The following DMD variants were observed in gnomAD, a reference collection of about 807,000 sequenced individuals.
DMD encodes the protein dystrophin, also known as mutant dystrophin.
In DMD, 63 loss-of-function variants were observed where a neutral mutation model predicts 330.1. The observed-to-expected ratio is 0.19, with a 90% CI of 0.16 to 0.24. DMD has a LOEUF of 0.24. DMD is among the 10% of genes least tolerant of loss of function. The pLI is 1.00. For missense variants in DMD, 3,344 were observed against 2,684.1 expected, an observed-to-expected ratio of 1.25 and a Z score of -5.43; for synonymous variants, 1,223 against 959.8, an observed-to-expected ratio of 1.27 and a Z score of -5.07.
intron 42 of DMD, among the ~76,000 whole-genome samples, chrX:32,288,260 G>T (rs2097451310): frequency 9.0e-6 from 1 of 111,309 alleles, no homozygotes; most frequent in South Asian, 3.7e-4. Flanking sequence ...TCATCCCATA[G>T]ATTCCCTCAT....
At chrX:32,628,810 A>G (rs2058542812) in intron 11 of DMD, among the ~76,000 whole-genome samples, 1 of 111,547 alleles carries the variant, frequency 9.0e-6, no homozygotes, top group African/African-American at 3.3e-5. Flanking sequence ...TTTAATTTCC[A>G]TGTGTCTCTA....
intron 27 of DMD, 135 bp downstream of exon 27, chrX:32,448,321 T>G: frequency 1.5e-6 from 1 of 659,921 alleles, no homozygotes; most frequent in Non-Finnish European, 2.4e-6. Flanking sequence ...CCCAAAGTCA[T>G]ACAACTTATA....
At chrX:32,322,484 G>A (rs189511764) in intron 41 of DMD, among the ~76,000 whole-genome samples, 17 of 111,144 alleles carry the variant, frequency 1.5e-4, no homozygotes, top group Non-Finnish European at 3.0e-4. Context: ...GATCTCCTGA[G>A]CCTAGGAGTT....
chrX:32,606,877 A>C (rs771134044), intron 12 of DMD, among the ~76,000 whole-genome samples: 1 of 109,487 alleles, frequency 9.1e-6, no homozygotes, highest in African/African-American at 3.3e-5. Flanking sequence ...TAAGTGAAGT[A>C]ACTTGGAAAC....
At chrX:32,009,823 A>T (rs2095691746) in intron 44 of DMD, among the ~76,000 whole-genome samples, 1 of 112,017 alleles carries the variant, frequency 8.9e-6, no homozygotes, top group South Asian at 3.7e-4. Flanking sequence ...GAAAGGTCAC[A>T]TATATTTATT....
intron 7 of DMD, among the ~76,000 whole-genome samples, chrX:32,766,562 G>C (rs2073009747): frequency 1.8e-5 from 2 of 110,934 alleles, no homozygotes; most frequent in Admixed American, 1.9e-4. Context: ...CTGCAATTGT[G>C]CTTAATTTAT....
chrX:32,935,267 C>T (rs1197330670), intron 2 of DMD, among the ~76,000 whole-genome samples: 3 of 112,674 alleles, frequency 2.7e-5, no homozygotes, highest in Non-Finnish European at 3.8e-5. Context: ...CGTGAGCCAC[C>T]GCGCCCGGCC....
intron 1 of DMD, among the ~76,000 whole-genome samples, chrX:33,245,873 T>C (rs1370841739): frequency 1.8e-5 from 2 of 111,798 alleles, no homozygotes; most frequent in Admixed American, 9.5e-5. Flanking sequence ...CAAAACCTAA[T>C]GTATTTTCCT....
chrX:33,166,779 A>AT (rs1302934984), intron 1 of DMD, among the ~76,000 whole-genome samples: 62 of 107,031 alleles, frequency 5.8e-4, no homozygotes, highest in Middle Eastern at 5.1e-3. Flanking sequence ...ATATATATAT[A>AT]TTTTTTTTCC....
chrX:31,487,468 C>T (rs207478223), intron 57 of DMD, among the ~76,000 whole-genome samples: 1 of 111,158 alleles, frequency 9.0e-6, no homozygotes, highest in Non-Finnish European at 1.9e-5. Context: ...TGGGGTTTCA[C>T]CGTGTTAGCC....
chrX:31,890,369 AAAG>A (rs1256452872), intron 47 of DMD, among the ~76,000 whole-genome samples: 36 of 109,904 alleles, frequency 3.3e-4, no homozygotes, highest in Non-Finnish European at 6.2e-4. Context: ...ACAAAAAAAA[AAAG>A]AAGAAGAAAG....
chrX:31,258,632 C>T (rs773466282), intron 63 of DMD, among the ~76,000 whole-genome samples: 3 of 111,624 alleles, frequency 2.7e-5, no homozygotes, highest in African/African-American at 9.7e-5. Flanking sequence ...TAAATGAGTT[C>T]TAAAATCCCC....
chrX:32,468,794 T>C, intron 22 of DMD, 84 bp from the exon 23 acceptor site: 1 of 780,279 alleles, frequency 1.3e-6, no homozygotes, highest in East Asian at 3.5e-5. Context: ...GTACTTGAAA[T>C]CTATATGATT....
intron 61 of DMD, among the ~76,000 whole-genome samples, chrX:31,325,467 A>AG (rs2056721562): frequency 9.6e-6 from 1 of 104,437 alleles, no homozygotes; most frequent in East Asian, 2.9e-4. Context: ...AAAAAAAAAA[A>AG]GCCGGGCATG....
chrX:32,290,043 A>G (rs751513883), intron 42 of DMD, among the ~76,000 whole-genome samples: 3 of 111,774 alleles, frequency 2.7e-5, no homozygotes, highest in Non-Finnish European at 5.6e-5. Flanking sequence ...TTCCAAGCTC[A>G]TCTCTTCCCA....
At chrX:31,488,614 A>G (rs976140293) in intron 57 of DMD, among the ~76,000 whole-genome samples, 1 of 111,547 alleles carries the variant, frequency 9.0e-6, no homozygotes, top group African/African-American at 3.3e-5. Context: ...GCTTCCTCTC[A>G]AACTCCACAT....
At chrX:32,560,731 C>T (rs1029230972) in intron 16 of DMD, among the ~76,000 whole-genome samples, 2 of 111,799 alleles carry the variant, frequency 1.8e-5, no homozygotes, top group African/African-American at 6.5e-5. Flanking sequence ...AGAATAACAG[C>T]TTCCAGCTAC....
At chrX:31,124,220 A>G (rs1266149192) in intron 78 of DMD, among the ~76,000 whole-genome samples, 3 of 112,381 alleles carry the variant, frequency 2.7e-5, no homozygotes, top group African/African-American at 9.7e-5. Context: ...GAACTTTTAG[A>G]GTCACCTCAT....
In DMD at chrX:32,780,330, G is replaced by A. The variant is rs144380029; in HGVS notation, c.649+29163C>T. Among the ~76,000 whole-genome samples, 245 of 111,940 alleles carry A rather than the reference G, an allele frequency of 2.2e-3. 3 individuals are homozygous for A. The highest frequency in any genetic ancestry group is 7.4e-3 in the African/African-American group (229 of 30,880). On this transcript the variant is annotated intron_variant, in intron 7 of 78. Coordinates refer to ENST00000357033, the MANE Select transcript of DMD (RefSeq NM_004006.3). ...AACTATTTAGTTCATTTTATGAGAC[G>A]TGCTATTGAGTTTTAGATAAAGTTT...
Sources: gnomAD v4.1 joint callset for allele counts (sites outside exome capture counted in the v4.1 genomes callset) on GRCh38, gnomAD v4.1.1 for gene constraint, MANE v1.5 for transcripts, NCBI Gene and HGNC (gene_info 2026-07-23, HGNC 2026-07-21) for gene names.